Variants in CTNNA1 observed in about 807,000 individuals in gnomAD.
The protein encoded by CTNNA1 is catenin alpha 1.
CTNNA1 carries 37 observed loss-of-function variants against 98.4 expected under a neutral mutation model. The ratio of observed to expected loss-of-function variants is 0.38; its 90% CI spans 0.29 to 0.49. The LOEUF is 0.49. CTNNA1 is among the 20% of genes least tolerant of loss of function. The pLI is 0.95. For missense variants in CTNNA1, 761 were observed against 1,147.2 expected, an observed-to-expected ratio of 0.66 and a Z score of 4.86; for synonymous variants, 404 against 413.2, an observed-to-expected ratio of 0.98 and a Z score of 0.27.
chr5:138,814,344 G>A (rs1206349254), intron 5 of CTNNA1, among the ~76,000 whole-genome samples: 1 of 151,934 alleles, frequency 6.6e-6, no homozygotes, highest in East Asian at 1.9e-4. Flanking sequence ...CGCCTCCCGG[G>A]TTCAAGTGAT....
chr5:138,771,768 A>G (rs1346595298), intron 1 of CTNNA1, among the ~76,000 whole-genome samples: 1 of 152,190 alleles, frequency 6.6e-6, no homozygotes, highest in African/African-American at 2.4e-5. Context: ...CTTGATGCAG[A>G]TGCAAGCTGG....
At chr5:138,776,824 GAC>G (rs1754294318) in intron 1 of CTNNA1, among the ~76,000 whole-genome samples, 1 of 135,192 alleles carries the variant, frequency 7.4e-6, no homozygotes, top group East Asian at 2.5e-4. Context: ...CTCCCTCCCG[GAC>G]GGGGCGGCTG....
intron 3 of CTNNA1, among the ~76,000 whole-genome samples, chr5:138,796,758 T>C (rs1353495526): frequency 6.6e-6 from 1 of 152,202 alleles, no homozygotes; most frequent in Non-Finnish European, 1.5e-5. Context: ...GTCTAACTCT[T>C]CTCCTGGAAG....
intron 7 of CTNNA1, among the ~76,000 whole-genome samples, chr5:138,882,603 C>A (rs938317734): frequency 6.6e-6 from 1 of 152,154 alleles, no homozygotes; most frequent in Non-Finnish European, 1.5e-5. Context: ...CATTTAGGGA[C>A]TAAAATGTGC....
At chr5:138,795,287 C>G (rs1230085727) in intron 3 of CTNNA1, among the ~76,000 whole-genome samples, 1 of 151,726 alleles carries the variant, frequency 6.6e-6, no homozygotes. Context: ...TGGTGAGACC[C>G]CGTCTACTAA....
chr5:138,850,902 G>A (rs892851547), intron 7 of CTNNA1, among the ~76,000 whole-genome samples: 3 of 152,192 alleles, frequency 2.0e-5, no homozygotes, highest in Non-Finnish European at 1.5e-5. Context: ...ATTAGTTTCT[G>A]CTTTCTAATA....
intron 11 of CTNNA1, among the ~76,000 whole-genome samples, chr5:138,919,757 T>C (rs1273946428): frequency 6.6e-6 from 1 of 152,198 alleles, no homozygotes; most frequent in African/African-American, 2.4e-5. Flanking sequence ...TGGTGTGTTT[T>C]TCTGATGTTC....
At chr5:138,924,279 T>TTA (rs1319101871) in intron 11 of CTNNA1, among the ~76,000 whole-genome samples, 8 of 135,212 alleles carry the variant, frequency 5.9e-5, no homozygotes, top group African/African-American at 2.3e-4. Flanking sequence ...TTTTTTATTT[T>TTA]TTGTTTTTTT....
At chr5:138,765,506 A>G (rs1752835145) in intron 1 of CTNNA1, among the ~76,000 whole-genome samples, 1 of 152,162 alleles carries the variant, frequency 6.6e-6, no homozygotes, top group African/African-American at 2.4e-5. Flanking sequence ...CAATTGCATC[A>G]GGAAAGGCTC....
Position 138,781,905 on chromosome 5 carries a change from T to G in CTNNA1, c.-2-18T>G. The stretch of plus-strand genomic sequence containing the variant: ...TGTGTTTGATGTTTGCCTGACTGAC[T>G]TTTTGTTTCTTATTTAGAAATGACT... On this transcript the variant is annotated intron_variant, in intron 1 of 17. Coordinates refer to ENST00000302763, the MANE Select transcript of CTNNA1 (RefSeq NM_001903.5). The G allele has an allele frequency of 1.3e-6, 2 of 1,570,396 alleles. No homozygotes were observed. The highest frequency in any genetic ancestry group is 1.4e-5 in the African/African-American group (1 of 72,126).
At position 138,849,856 on chromosome 5, in the gene CTNNA1, A is replaced by G. The variant is rs540118862; in HGVS notation, c.1062+22138A>G. Among the ~76,000 whole-genome samples the G allele has an allele frequency of 6.6e-5, 10 of 152,086 alleles. No homozygotes were observed. The South Asian group carries it at 1.7e-3, about 25-fold the overall frequency. On this transcript the variant is annotated intron_variant, in intron 7 of 17. Transcript: ENST00000302763. Reference sequence around the variant, plus strand: ...TTTTAATTCTTAAAATAGGCAGTGCATTTACATGGCTTAAAGGGGTCTAAA... The same window carrying G: ...TTTTAATTCTTAAAATAGGCAGTGCGTTTACATGGCTTAAAGGGGTCTAAA...
intron 1 of CTNNA1, among the ~76,000 whole-genome samples, chr5:138,770,950 C>CAA (rs10712613): frequency 6.2e-5 from 8 of 128,274 alleles, no homozygotes; most frequent in African/African-American, 8.9e-5. Context: ...GACTCCGTCT[C>CAA]AAAAAAAAAA....
chr5:138,927,964 A>G (rs1764490734), intron 13 of CTNNA1, among the ~76,000 whole-genome samples: 1 of 151,764 alleles, frequency 6.6e-6, no homozygotes, highest in African/African-American at 2.4e-5. Context: ...TCACACCGAC[A>G]TGCTGTCTGG....
Position 138,759,980 on chromosome 5 carries a change from C to CTT in CTNNA1, c.-3+6498_-3+6499dup, listed in dbSNP as rs70982734. ...GGAATCCTCTCCCAGAATTTCTTTC[C>CTT]TTTTTTTTTTTTTTTTTTTTTTTTT... On this transcript the variant is annotated intron_variant, in intron 1 of 17. Coordinates refer to ENST00000302763, the MANE Select transcript of CTNNA1 (RefSeq NM_001903.5). Among the ~76,000 whole-genome samples, 233 of 61,254 alleles carry CTT rather than the reference C, an allele frequency of 3.8e-3. 24 individuals carry two copies. Among genetic ancestry groups the CTT allele is most frequent in the South Asian group, 9.4e-3 (10 of 1,064 alleles). The allele number at this position is 61,254 out of a possible 152,430, so 40.2% of individuals were successfully genotyped here.
intron 1 of CTNNA1, among the ~76,000 whole-genome samples, chr5:138,774,221 C>T (rs573726135): frequency 9.9e-5 from 15 of 152,152 alleles, no homozygotes; most frequent in African/African-American, 1.7e-4. Context: ...GATGAGGTCT[C>T]GCTATGTTGC....
chr5:138,927,472 G>GC (rs967048462), intron 13 of CTNNA1, among the ~76,000 whole-genome samples: 3 of 42,718 alleles, frequency 7.0e-5, no homozygotes, highest in African/African-American at 2.9e-4. Context: ...GCTGCCACCC[G>GC]CCCCCCCTTC....
chr5:138,880,838 A>G (rs1752735088), intron 7 of CTNNA1: 2 of 332,198 alleles, frequency 6.0e-6, no homozygotes, highest in Non-Finnish European at 1.2e-5. Context: ...TGTTGGCTAT[A>G]TGCTAGCACT....
intron 9 of CTNNA1, among the ~76,000 whole-genome samples, chr5:138,889,938 C>A (rs1291086623): frequency 2.0e-5 from 3 of 152,172 alleles, no homozygotes; most frequent in Non-Finnish European, 4.4e-5. Context: ...TCTTCAGTGA[C>A]AAGGCTTCTC....
At chr5:138,797,192 A>G (rs1757071506) in intron 3 of CTNNA1, among the ~76,000 whole-genome samples, 1 of 152,210 alleles carries the variant, frequency 6.6e-6, no homozygotes, top group Admixed American at 6.5e-5. Context: ...ATTATCATAC[A>G]CACAAACTAA....
Sources: gnomAD v4.1 joint callset for allele counts (sites outside exome capture counted in the v4.1 genomes callset) on GRCh38, gnomAD v4.1.1 for gene constraint, MANE v1.5 for transcripts, NCBI Gene and HGNC (gene_info 2026-07-23, HGNC 2026-07-21) for gene names.